Variants in IL1RAPL1 observed in about 807,000 individuals in gnomAD.
The protein encoded by IL1RAPL1 is interleukin 1 receptor accessory protein like 1.
A neutral mutation model predicts 48.4 loss-of-function variants in IL1RAPL1; 3 were observed. The ratio of observed to expected loss-of-function variants is 0.06; its 90% CI spans 0.03 to 0.16. The LOEUF (loss-of-function observed/expected upper bound fraction) is 0.16. IL1RAPL1 is among the 10% of genes least tolerant of loss of function. The pLI is 1.00. For synonymous variants in IL1RAPL1, 185 were observed against 187.7 expected (o/e 0.99, Z 0.12); for missense variants, 349 against 530.6 (o/e 0.66, Z 3.36).
chrX:29,785,126 T>C (rs971414338), intron 6 of IL1RAPL1, among the ~76,000 whole-genome samples: 2 of 112,269 alleles, frequency 1.8e-5, no homozygotes, highest in Non-Finnish European at 3.8e-5. Context: ...AATATGCTGC[T>C]ACTTGAGAGT....
At chrX:28,723,732 G>A (rs748037505) in intron 1 of IL1RAPL1, among the ~76,000 whole-genome samples, 6 of 111,792 alleles carry the variant, frequency 5.4e-5, no homozygotes, top group Non-Finnish European at 1.1e-4. Flanking sequence ...TGGGCATTTA[G>A]TGGCATAAAT....
Position 29,123,821 on chromosome X carries a change from G to A in IL1RAPL1, c.83-159117G>A, listed in dbSNP as rs1023879836. Among the ~76,000 whole-genome samples the A allele has an allele frequency of 8.1e-5, 9 of 111,801 alleles. No individual in the cohort carries two copies. In the East Asian group the frequency reaches 1.1e-3, roughly 14 times the overall value. On this transcript the variant is annotated intron_variant, in intron 2 of 10. Transcript: ENST00000378993. ...TGTTGTTAGTGTGAACACACACTAC[G>A]TTTCAAAGACTTCATATCAAACAGT...
intron 2 of IL1RAPL1, among the ~76,000 whole-genome samples, chrX:29,080,978 TTCTTTCTTTCTTTCTTTCTC>T (rs1278140020): frequency 8.9e-5 from 4 of 45,101 alleles, no homozygotes; most frequent in African/African-American, 4.5e-4. Context: ...CTTTCTTTCT[TTCTTTCTTTCTTTCTTTCTC>T]TCTCTCTCTC....
rs1195004824 is a variant in IL1RAPL1 at position 29,836,643 on chromosome X, T to C, written c.779-80821T>C. On this transcript the variant is annotated intron_variant, in intron 6 of 10. Transcript: ENST00000378993. ...GTTATGGATTTCTAGTTTTCTACTA[T>C]TGTGGTCATAAACGATACTTCATTC... 3.6e-5 allele frequency among the ~76,000 whole-genome samples: 4 copies of C among 112,359 alleles called. No homozygotes were observed. The Admixed American group carries it at 3.8e-4, about 11-fold the overall frequency.
At chrX:29,540,217 C>T (rs1357176652) in intron 5 of IL1RAPL1, among the ~76,000 whole-genome samples, 4 of 109,584 alleles carry the variant, frequency 3.7e-5, no homozygotes, top group African/African-American at 1.3e-4. Flanking sequence ...ACACATCTAA[C>T]CAAGAAGATG....
chrX:29,893,130 G>A lies in IL1RAPL1; in HGVS notation c.779-24334G>A, dbSNP rs980547683. 6.3e-5 allele frequency among the ~76,000 whole-genome samples: 7 copies of A among 111,606 alleles called. No individual in the cohort carries two copies. In the Admixed American group the frequency reaches 6.7e-4, roughly 11 times the overall value. ...CCACCGTTTACTGAGCTGTTGCTCT[G>A]TGCTAACTTACAGTGTGCTAAGAGC... is the stretch of plus-strand genomic sequence containing the variant. On this transcript the variant is annotated intron_variant, in intron 6 of 10. Transcript: ENST00000378993.
At chrX:29,797,770 G>A (rs1428435217) in intron 6 of IL1RAPL1, among the ~76,000 whole-genome samples, 1 of 111,416 alleles carries the variant, frequency 9.0e-6, no homozygotes, top group Non-Finnish European at 1.9e-5. Context: ...CTTCTTGGGA[G>A]GCTGAGGCAG....
At chrX:29,052,309 AC>A (rs1461590955) in intron 2 of IL1RAPL1, among the ~76,000 whole-genome samples, 6 of 110,678 alleles carry the variant, frequency 5.4e-5, no homozygotes, top group African/African-American at 2.0e-4. Flanking sequence ...CACACCTCAC[AC>A]CCTAACCATC....
intron 2 of IL1RAPL1, among the ~76,000 whole-genome samples, chrX:29,010,443 T>C (rs1926096030): frequency 9.0e-6 from 1 of 111,651 alleles, no homozygotes; most frequent in Admixed American, 9.6e-5. Context: ...CGGAGGGTTT[T>C]TATCATGAAG....
rs147517050 is a variant in IL1RAPL1 at position 28,620,718 on chromosome X, T to C, written c.-25+32671T>C. On this transcript the variant is annotated intron_variant, in intron 1 of 10. Transcript: ENST00000378993. Reference sequence around the variant, plus strand: ...TCCAAGAAGGTGAGAAAGCAGATTTTCATTCCATCTTTCCAATCTAGTACA... The same window carrying C: ...TCCAAGAAGGTGAGAAAGCAGATTTCCATTCCATCTTTCCAATCTAGTACA... Among the ~76,000 whole-genome samples, 359 of 112,301 alleles carry C rather than the reference T, an allele frequency of 3.2e-3. 1 individual carries two copies. Among genetic ancestry groups the C allele is most frequent in the Non-Finnish European group, 5.5e-3 (295 of 53,273 alleles).
At chrX:29,479,889 A>T (rs1344123757) in intron 5 of IL1RAPL1, among the ~76,000 whole-genome samples, 4 of 111,595 alleles carry the variant, frequency 3.6e-5, no homozygotes, top group Non-Finnish European at 7.5e-5. Flanking sequence ...TGGTGTATAT[A>T]TACCGCATTT....
At chrX:29,154,137 G>A (rs1929520238) in intron 2 of IL1RAPL1, among the ~76,000 whole-genome samples, 1 of 111,900 alleles carries the variant, frequency 8.9e-6, no homozygotes, top group Admixed American at 9.5e-5. Flanking sequence ...GTTTCCTAGA[G>A]TGGCCACTTG....
chrX:29,529,381 G>C (rs948324280), intron 5 of IL1RAPL1, among the ~76,000 whole-genome samples: 3 of 110,891 alleles, frequency 2.7e-5, no homozygotes, highest in African/African-American at 9.8e-5. Context: ...ATCACCTGAT[G>C]TCAGGAGTTT....
At chrX:29,180,333 A>G (rs1202886374) in intron 2 of IL1RAPL1, among the ~76,000 whole-genome samples, 3 of 110,820 alleles carry the variant, frequency 2.7e-5, no homozygotes, top group Non-Finnish European at 5.7e-5. Context: ...GAGATTAGTA[A>G]GACTCAAGTA....
chrX:29,687,395 A>G (rs1926654472), intron 6 of IL1RAPL1, among the ~76,000 whole-genome samples: 1 of 112,277 alleles, frequency 8.9e-6, no homozygotes, highest in South Asian at 3.7e-4. Flanking sequence ...GAAATAAGCC[A>G]GGCACAGAAC....
chrX:28,900,243 G>A (rs762086389), intron 2 of IL1RAPL1, among the ~76,000 whole-genome samples: 4 of 112,032 alleles, frequency 3.6e-5, no homozygotes, highest in Non-Finnish European at 5.6e-5. Flanking sequence ...ACAATGTGTA[G>A]GTGCTGAATC....
At chrX:29,056,173 A>G (rs1052499964) in intron 2 of IL1RAPL1, among the ~76,000 whole-genome samples, 3 of 111,599 alleles carry the variant, frequency 2.7e-5, no homozygotes, top group Non-Finnish European at 5.7e-5. Flanking sequence ...CTGATGCTTT[A>G]ATATGGACAT....
chrX:29,313,437 T>TC (rs1359310641), intron 3 of IL1RAPL1, among the ~76,000 whole-genome samples: 1 of 111,770 alleles, frequency 8.9e-6, no homozygotes, highest in Non-Finnish European at 1.9e-5. Context: ...CATTAAGCCC[T>TC]CCCCCAGATA....
At chrX:29,280,996 G>A (rs895145845) in intron 2 of IL1RAPL1, among the ~76,000 whole-genome samples, 3 of 112,217 alleles carry the variant, frequency 2.7e-5, no homozygotes, top group Non-Finnish European at 3.8e-5. Context: ...ACATCGTTAA[G>A]TGCTTATTAG....
Sources: allele counts gnomAD v4.1 joint callset (sites outside exome capture counted in the v4.1 genomes callset), GRCh38; gene constraint gnomAD v4.1.1; transcripts MANE v1.5; gene names NCBI Gene and HGNC (gene_info 2026-07-23, HGNC 2026-07-21).